RUNDC3B: variants seen among roughly 807,000 people sequenced by gnomAD.
RUNDC3B encodes RUN domain-containing protein 3B.
RUNDC3B carries 33 observed loss-of-function variants against 58.4 expected under a neutral mutation model. The observed-to-expected ratio is 0.56, with a 90% CI of 0.43 to 0.75. The LOEUF is 0.75. Among genes scored for constraint, RUNDC3B ranks in the 30% least tolerant of loss-of-function variants. The pLI, the probability that RUNDC3B is intolerant of heterozygous loss-of-function variation, is 0.00. For synonymous variants in RUNDC3B, 193 were observed against 195.2 expected (o/e 0.99, Z 0.10); for missense variants, 501 against 535.7 (o/e 0.94, Z 0.64).
chr7:87,787,938 T>C (rs1442177054), intron 8 of RUNDC3B, among the ~76,000 whole-genome samples: 1 of 152,188 alleles, frequency 6.6e-6, no homozygotes, highest in East Asian at 1.9e-4. Flanking sequence ...CACTTTTGAG[T>C]TCTGATTTCC....
intron 10 of RUNDC3B, among the ~76,000 whole-genome samples, chr7:87,822,272 A>T (rs899117165): frequency 2.6e-5 from 4 of 152,210 alleles, no homozygotes; most frequent in African/African-American, 9.6e-5. Context: ...ATGCAGCCAA[A>T]AAACACATGA....
chr7:87,775,309 A>G lies in RUNDC3B; in HGVS notation c.799-2489A>G, dbSNP rs190461860. On this transcript the variant is annotated intron_variant, in intron 7 of 10. Transcript: ENST00000394654. ...TTAACAGAAAAGTTTAAAAAGTTAA[A>G]AAGTTTTTAAAATGTTTCAATAGAA... is the stretch of plus-strand genomic sequence containing the variant. Among the ~76,000 whole-genome samples, 13 of 152,346 alleles carry G rather than the reference A, an allele frequency of 8.5e-5. No individual in the cohort carries two copies. The East Asian group carries it at 2.5e-3, about 29-fold the overall frequency.
At chr7:87,736,825 T>C (rs1831963511) in intron 4 of RUNDC3B, among the ~76,000 whole-genome samples, 2 of 141,054 alleles carry the variant, frequency 1.4e-5, no homozygotes, top group South Asian at 2.2e-4. Flanking sequence ...TTTATATATG[T>C]TATATATATG....
At chr7:87,696,543 G>T (rs1289664178) in intron 2 of RUNDC3B, among the ~76,000 whole-genome samples, 1 of 152,074 alleles carries the variant, frequency 6.6e-6, no homozygotes, top group Non-Finnish European at 1.5e-5. Context: ...GGATATACAG[G>T]CAATTTACAT....
At chr7:87,791,494 A>C (rs536253278) in intron 8 of RUNDC3B, among the ~76,000 whole-genome samples, 1 of 152,198 alleles carries the variant, frequency 6.6e-6, no homozygotes, top group Non-Finnish European at 1.5e-5. Flanking sequence ...TGATGAACCA[A>C]TAAAAAATAA....
At chr7:87,797,572 C>T (rs930981551) in intron 8 of RUNDC3B, among the ~76,000 whole-genome samples, 1 of 152,052 alleles carries the variant, frequency 6.6e-6, no homozygotes, top group African/African-American at 2.4e-5. Context: ...TTGCCTAAAG[C>T]AGTTGATTAA....
chr7:87,825,818 G>C (rs1837774600), intron 10 of RUNDC3B, among the ~76,000 whole-genome samples: 1 of 152,200 alleles, frequency 6.6e-6, no homozygotes, highest in Non-Finnish European at 1.5e-5. Flanking sequence ...GGAACCTTAA[G>C]ATTTGTCTGC....
chr7:87,807,842 A>G (rs959110501), intron 9 of RUNDC3B, among the ~76,000 whole-genome samples: 1 of 152,126 alleles, frequency 6.6e-6, no homozygotes, highest in Non-Finnish European at 1.5e-5. Context: ...TTGTCATAAA[A>G]CACAATTTGA....
At chr7:87,667,610 T>G (rs1825395587) in intron 2 of RUNDC3B, among the ~76,000 whole-genome samples, 1 of 152,172 alleles carries the variant, frequency 6.6e-6, no homozygotes, top group African/African-American at 2.4e-5. Context: ...AGCATAAAGT[T>G]GGCTGTGGGT....
chr7:87,722,484 C>T (rs1830963020), intron 4 of RUNDC3B, among the ~76,000 whole-genome samples: 1 of 152,096 alleles, frequency 6.6e-6, no homozygotes, highest in Admixed American at 6.6e-5. Context: ...GCCCCTTAAC[C>T]CACTTGTGAG....
At chr7:87,749,710 C>T (rs1584093811) in intron 6 of RUNDC3B, among the ~76,000 whole-genome samples, 1 of 151,906 alleles carries the variant, frequency 6.6e-6, no homozygotes, top group African/African-American at 2.4e-5. Context: ...AATACATATT[C>T]ATGGTAGAAA....
At chr7:87,780,219 A>G (rs1834851897) in intron 8 of RUNDC3B, among the ~76,000 whole-genome samples, 1 of 152,228 alleles carries the variant, frequency 6.6e-6, no homozygotes, top group Non-Finnish European at 1.5e-5. Context: ...TGCTTTCCAC[A>G]GTGGCTGAAC....
chr7:87,763,875 TC>T (rs1182692609), intron 6 of RUNDC3B, among the ~76,000 whole-genome samples: 11 of 151,770 alleles, frequency 7.2e-5, no homozygotes, highest in African/African-American at 2.7e-4. Context: ...GGTATCTGTT[TC>T]AAATTTGCAA....
intron 8 of RUNDC3B, among the ~76,000 whole-genome samples, chr7:87,786,168 G>A (rs1162036622): frequency 6.6e-6 from 1 of 152,044 alleles, no homozygotes; most frequent in Non-Finnish European, 1.5e-5. Context: ...TGGCCATCTT[G>A]TCCCCTGCCT....
At chr7:87,819,935 G>A (rs1274495107) in intron 10 of RUNDC3B, among the ~76,000 whole-genome samples, 1 of 151,788 alleles carries the variant, frequency 6.6e-6, no homozygotes, top group Admixed American at 6.6e-5. Flanking sequence ...AGAGAAAGCA[G>A]GAAAGATCCA....
chr7:87,700,600 A>G (rs745998225), intron 3 of RUNDC3B, 46 bp downstream of exon 3: 7 of 1,566,190 alleles, frequency 4.5e-6, no homozygotes, highest in Non-Finnish European at 6.1e-6. Flanking sequence ...TTTTCATTGC[A>G]TGTATTTGGA....
At chr7:87,719,263 C>A (rs1378976029) in intron 4 of RUNDC3B, among the ~76,000 whole-genome samples, 1 of 151,864 alleles carries the variant, frequency 6.6e-6, no homozygotes. Context: ...GGGAAGAAGT[C>A]TTTTACTTTT....
chr7:87,787,812 C>T (rs944985105), intron 8 of RUNDC3B, among the ~76,000 whole-genome samples: 37 of 152,284 alleles, frequency 2.4e-4, no homozygotes, highest in African/African-American at 8.4e-4. Context: ...ACCTTAAAAT[C>T]TCCTTTATAA....
rs71117547 is a variant in RUNDC3B at position 87,639,153 on chromosome 7, CA to C, written c.122+10231del. 2.1e-3 allele frequency among the ~76,000 whole-genome samples: 187 copies of C among 87,714 alleles called. 1 individual carries two copies. Among genetic ancestry groups the C allele is most frequent in the African/African-American group, 5.3e-3 (114 of 21,374 alleles). 57.5% of individuals were successfully genotyped at this position (87,714 alleles called of 152,430 possible). On this transcript the variant is annotated intron_variant, in intron 1 of 10. Transcript: ENST00000394654. ...TGGGCGACAGAGTGAGACTCCGTCT[CA>C]AAAAAAAAAAAAAAAAAAAAAATCT... is the stretch of plus-strand genomic sequence containing the variant.
Sources: gnomAD v4.1 joint callset for allele counts (sites outside exome capture counted in the v4.1 genomes callset) on GRCh38, gnomAD v4.1.1 for gene constraint, MANE v1.5 for transcripts, NCBI Gene and HGNC (gene_info 2026-07-23, HGNC 2026-07-21) for gene names.